Variants in CADM2 observed in about 807,000 individuals in gnomAD.
CADM2 encodes immunoglobulin superfamily member 4D.
In CADM2, 12 loss-of-function variants were observed where a neutral mutation model predicts 49.8. The ratio of observed to expected loss-of-function variants is 0.24; its 90% CI spans 0.15 to 0.39. The LOEUF (loss-of-function observed/expected upper bound fraction) is 0.39, where lower values mean the gene tolerates loss of function less well. CADM2 is among the 10% of genes least tolerant of loss of function. The probability of loss-of-function intolerance (pLI) is 1.00; values close to 1 mark genes in which losing one functional copy is unlikely to be tolerated. For missense variants in CADM2, 378 were observed against 492.3 expected (o/e 0.77, Z 2.20); for synonymous variants, 214 against 175.4 (o/e 1.22, Z -1.74).
At chr3:85,453,755 T>A (rs1223696171) in intron 1 of CADM2, among the ~76,000 whole-genome samples, 1 of 152,182 alleles carries the variant, frequency 6.6e-6, no homozygotes, top group African/African-American at 2.4e-5. Flanking sequence ...TATGAAATAA[T>A]TAGATTTAAA....
intron 1 of CADM2, among the ~76,000 whole-genome samples, chr3:85,347,954 C>CCCG (rs2030926588): frequency 6.6e-6 from 1 of 151,910 alleles, no homozygotes; most frequent in Non-Finnish European, 1.5e-5. Flanking sequence ...ACTACAGGCG[C>CCCG]CCACCACTGC....
chr3:85,570,931 T>C (rs2062457376), intron 1 of CADM2, among the ~76,000 whole-genome samples: 1 of 152,206 alleles, frequency 6.6e-6, no homozygotes, highest in South Asian at 2.1e-4. Flanking sequence ...AATGAGATTT[T>C]TGAGGAACTA....
At chr3:86,013,581 GAAGA>G (rs1348909414) in intron 8 of CADM2, 1 of 1,601,340 alleles carries the variant, frequency 6.2e-7, no homozygotes, top group African/African-American at 1.3e-5. Context: ...CTGTATTCGA[GAAGA>G]AACTCTCAGG....
At chr3:85,119,977 AAC>A (rs2038793151) in intron 1 of CADM2, among the ~76,000 whole-genome samples, 1 of 152,192 alleles carries the variant, frequency 6.6e-6, no homozygotes, top group African/African-American at 2.4e-5. Flanking sequence ...AATGAACTTA[AAC>A]AAATTTACAA....
chr3:85,141,548 G>A (rs1231678514), intron 1 of CADM2, among the ~76,000 whole-genome samples: 2 of 152,122 alleles, frequency 1.3e-5, no homozygotes, highest in Non-Finnish European at 2.9e-5. Flanking sequence ...TGATTCTCAA[G>A]GGTAAACCCT....
At chr3:85,921,060 T>G (rs1418088871) in intron 6 of CADM2, among the ~76,000 whole-genome samples, 1 of 151,900 alleles carries the variant, frequency 6.6e-6, no homozygotes, top group Non-Finnish European at 1.5e-5. Flanking sequence ...ATGTTTTCAA[T>G]TATTTTTAAG....
intron 8 of CADM2, chr3:85,993,965 A>C: frequency 6.6e-6 from 1 of 152,166 alleles, no homozygotes; most frequent in East Asian, 1.9e-4. Context: ...ATGGTAAATG[A>C]ACATTGGTTT....
chr3:85,501,115 TATA>T (rs1280488670), intron 1 of CADM2, among the ~76,000 whole-genome samples: 1 of 152,234 alleles, frequency 6.6e-6, no homozygotes, highest in African/African-American at 2.4e-5. Flanking sequence ...GAAGTACTCA[TATA>T]ATGATTTCAA....
chr3:85,613,033 T>G (rs901622311), intron 1 of CADM2, among the ~76,000 whole-genome samples: 1 of 151,758 alleles, frequency 6.6e-6, no homozygotes, highest in African/African-American at 2.4e-5. Flanking sequence ...ACAGGTTGGT[T>G]GTGGCTTAAT....
At chr3:85,714,722 G>T (rs1163731259) in intron 1 of CADM2, among the ~76,000 whole-genome samples, 1 of 152,012 alleles carries the variant, frequency 6.6e-6, no homozygotes, top group Non-Finnish European at 1.5e-5. Flanking sequence ...GAGCCACCGC[G>T]CCTGGCCCTG....
chr3:85,906,402 T>A (rs1716818944), intron 5 of CADM2, among the ~76,000 whole-genome samples: 1 of 152,166 alleles, frequency 6.6e-6, no homozygotes, highest in Non-Finnish European at 1.5e-5. Context: ...AAATGAAGTA[T>A]CTCCTCTTAA....
At chr3:85,605,268 A>G (rs1468600615) in intron 1 of CADM2, among the ~76,000 whole-genome samples, 1 of 152,080 alleles carries the variant, frequency 6.6e-6, no homozygotes, top group African/African-American at 2.4e-5. Context: ...AAACTCAGAA[A>G]GGCAAATTCC....
chr3:86,061,661 C>T (rs1284415149), intron 8 of CADM2, among the ~76,000 whole-genome samples: 2 of 151,834 alleles, frequency 1.3e-5, no homozygotes, highest in African/African-American at 4.9e-5. Flanking sequence ...GATTTGATTA[C>T]ATAAAGTTGT....
At chr3:85,274,593 A>G (rs1467187115) in intron 1 of CADM2, among the ~76,000 whole-genome samples, 1 of 151,422 alleles carries the variant, frequency 6.6e-6, no homozygotes, top group Non-Finnish European at 1.5e-5. Flanking sequence ...CTTTGGAAGC[A>G]AGGTTGTCCA....
intron 1 of CADM2, among the ~76,000 whole-genome samples, chr3:85,228,918 C>T (rs2042222005): frequency 6.6e-6 from 1 of 152,108 alleles, no homozygotes; most frequent in Non-Finnish European, 1.5e-5. Flanking sequence ...GAAGCTTTGC[C>T]CACAGGTCCG....
chr3:85,002,675 T>C (rs1045653661), intron 1 of CADM2, among the ~76,000 whole-genome samples: 1 of 152,220 alleles, frequency 6.6e-6, no homozygotes, highest in African/African-American at 2.4e-5. Context: ...GTCATTATCA[T>C]TTGTTAATCT....
intron 1 of CADM2, among the ~76,000 whole-genome samples, chr3:85,676,914 T>G (rs2107647629): frequency 6.6e-6 from 1 of 152,282 alleles, no homozygotes; most frequent in Admixed American, 6.5e-5. Context: ...CCATTCAATA[T>G]ACCTCATTAG....
At chr3:85,130,430 A>T (rs569325606) in intron 1 of CADM2, among the ~76,000 whole-genome samples, 1 of 152,368 alleles carries the variant, frequency 6.6e-6, no homozygotes, top group Non-Finnish European at 1.5e-5. Flanking sequence ...ATATAGAACC[A>T]GTGAAATCTT....
chr3:85,805,215 A>AT (rs1175019188), intron 3 of CADM2, among the ~76,000 whole-genome samples: 2 of 152,146 alleles, frequency 1.3e-5, no homozygotes, highest in Admixed American at 1.3e-4. Context: ...AAGTTCTGGG[A>AT]TTACAGGCAT....
Sources: gnomAD v4.1 joint callset for allele counts (sites outside exome capture counted in the v4.1 genomes callset) on GRCh38, gnomAD v4.1.1 for gene constraint, MANE v1.5 for transcripts, NCBI Gene and HGNC (gene_info 2026-07-23, HGNC 2026-07-21) for gene names.